Variants in SCAF8 observed in about 807,000 individuals in gnomAD.
SCAF8 encodes SR-related CTD associated factor 8.
Under a neutral mutation model 140.5 loss-of-function variants are expected in SCAF8, and 23 were observed. The ratio of observed to expected loss-of-function variants is 0.16; its 90% CI spans 0.12 to 0.23. SCAF8 has a LOEUF of 0.23. Ranked by LOEUF, SCAF8 falls within the 10% of genes least tolerant of loss-of-function variation. SCAF8 has a pLI of 1.00. For missense variants in SCAF8, 1,397 were observed against 1,555.7 expected (o/e 0.90, Z 1.72); for synonymous variants, 575 against 528.9 (o/e 1.09, Z -1.20).
intron 6 of SCAF8, among the ~76,000 whole-genome samples, chr6:154,796,427 A>G (rs1419508146): frequency 7.4e-6 from 1 of 134,528 alleles, no homozygotes; most frequent in African/African-American, 2.9e-5. Flanking sequence ...AATTCACGCT[A>G]TCCTTTGAGG....
chr6:154,800,477 A>G (rs568227674), intron 6 of SCAF8, among the ~76,000 whole-genome samples: 1 of 151,734 alleles, frequency 6.6e-6, no homozygotes, highest in East Asian at 1.9e-4. Context: ...TGTGAAAACT[A>G]TAAATGGTGG....
chr6:154,747,245 T>C (rs781094316), intron 1 of SCAF8, among the ~76,000 whole-genome samples: 7 of 152,116 alleles, frequency 4.6e-5, no homozygotes, highest in Non-Finnish European at 1.0e-4. Flanking sequence ...CTGAGTGTGG[T>C]GGTTAGGCCT....
At chr6:154,743,569 C>G (rs1489584104) in intron 1 of SCAF8, among the ~76,000 whole-genome samples, 1 of 152,124 alleles carries the variant, frequency 6.6e-6, no homozygotes, top group Non-Finnish European at 1.5e-5. Flanking sequence ...TGATGTGATT[C>G]CTCAGGGTTC....
intron 4 of SCAF8, among the ~76,000 whole-genome samples, chr6:154,789,351 TC>T (rs200797567): frequency 0.017 from 2,545 of 152,136 alleles, 27 homozygotes; most frequent in Non-Finnish European, 0.023. Flanking sequence ...GACCTTGTGA[TC>T]CGCCCACCAT....
rs1778716638 is a variant in SCAF8, at chr6:154,831,072, C to T, written c.2291C>T (p.Ala764Val). 3 of 1,613,798 alleles carry T rather than the reference C, an allele frequency of 1.9e-6. No homozygotes were observed. The highest frequency in any genetic ancestry group is 1.7e-6 in the Non-Finnish European group (2 of 1,179,868). The part of the protein sequence containing the change: ...GNVFNAPTKQ[A>V]EPEEKVPHLI... Reference sequence around the variant, plus strand: ...GTTTTTAATGCTCCAACTAAACAGGCAGAGCCTGAAGAAAAAGTACCTCAT... The same window carrying T: ...GTTTTTAATGCTCCAACTAAACAGGTAGAGCCTGAAGAAAAAGTACCTCAT... The change falls in exon 19 of 20, where the codon GCA becomes GTA. Residue 764 changes from alanine (A) to valine (V), a missense_variant. By Grantham distance (64) the Ala-to-Val change is moderately conservative. Around this residue, in one of 5 missense-constraint regions of SCAF8, gnomAD observed 930 missense variants for 874.6 expected, o/e 1.06. Transcript: ENST00000367178.
At chr6:154,734,071 G>GGGGTGTTTCTCCTCT (rs1465194851) in intron 1 of SCAF8, 141 bp downstream of exon 1, 76 of 1,297,190 alleles carry the variant, frequency 5.9e-5, no homozygotes, top group Non-Finnish European at 7.2e-5. Context: ...CCGTGGGGGA[G>GGGGTGTTTCTCCTCT]GGGTGTTTCT....
chr6:154,789,824 C>A (rs1014125327), intron 4 of SCAF8, among the ~76,000 whole-genome samples: 1 of 152,150 alleles, frequency 6.6e-6, no homozygotes, highest in African/African-American at 2.4e-5. Context: ...GGATTACAGG[C>A]GTGAGCCACC....
chr6:154,818,742 T>G, intron 14 of SCAF8, 150 bp downstream of exon 14: 1 of 398,716 alleles, frequency 2.5e-6, no homozygotes. Context: ...TTAAATGTTA[T>G]GGACAAACCT....
intron 1 of SCAF8, among the ~76,000 whole-genome samples, chr6:154,740,941 G>T (rs1778554156): frequency 6.6e-6 from 1 of 152,258 alleles, no homozygotes; most frequent in Admixed American, 6.5e-5. Context: ...TTTCTTGAAT[G>T]AATGGATGCA....
At chr6:154,770,037 C>T (rs1401547545) in intron 1 of SCAF8, among the ~76,000 whole-genome samples, 5 of 152,054 alleles carry the variant, frequency 3.3e-5, no homozygotes, top group South Asian at 4.1e-4. Context: ...ACGGGCATAC[C>T]GGTAGATTTT....
intron 3 of SCAF8, among the ~76,000 whole-genome samples, chr6:154,779,538 G>A (rs980691481): frequency 6.6e-6 from 1 of 152,052 alleles, no homozygotes; most frequent in African/African-American, 2.4e-5. Flanking sequence ...GTGAATTTAT[G>A]GATAAATGCT....
At chr6:154,782,100 A>G (rs868785082) in intron 3 of SCAF8, among the ~76,000 whole-genome samples, 3 of 152,302 alleles carry the variant, frequency 2.0e-5, no homozygotes, top group African/African-American at 2.4e-5. Context: ...ATCAGTTCAT[A>G]TGCTGATTGT....
intron 8 of SCAF8, among the ~76,000 whole-genome samples, chr6:154,804,740 T>G (rs1777865714): frequency 1.3e-5 from 2 of 152,206 alleles, no homozygotes; most frequent in Admixed American, 1.3e-4. Flanking sequence ...CCATCCTGTT[T>G]GGCTCTTTTG....
intron 8 of SCAF8, among the ~76,000 whole-genome samples, chr6:154,804,625 T>C (rs1777862154): frequency 6.6e-6 from 1 of 152,234 alleles, no homozygotes; most frequent in Non-Finnish European, 1.5e-5. Flanking sequence ...CCGCTATCTT[T>C]AGAGATGTAG....
chr6:154,793,737 C>T (rs1777493943), intron 5 of SCAF8, among the ~76,000 whole-genome samples: 2 of 150,300 alleles, frequency 1.3e-5, no homozygotes, highest in South Asian at 4.2e-4. Flanking sequence ...ATCGCTTGAA[C>T]CCAGGAGGCG....
At position 154,785,635 on chromosome 6, in the gene SCAF8, T is replaced by C. The variant is rs1054421338; in HGVS notation, c.160-2226T>C. On this transcript the variant is annotated intron_variant, in intron 3 of 19. Transcript: ENST00000367178. ...TAGCTTTGTTGTCTTTAAATTAATATCACTTTTTAGTAGCTGCAGGTGGGA... is the reference window on the plus strand; with the variant it reads ...TAGCTTTGTTGTCTTTAAATTAATACCACTTTTTAGTAGCTGCAGGTGGGA... 5.9e-5 allele frequency among the ~76,000 whole-genome samples: 9 copies of C among 152,294 alleles called. No homozygotes were observed. The South Asian group carries it at 6.2e-4, about 11-fold the overall frequency.
chr6:154,780,189 C>T (rs186844090), intron 3 of SCAF8, among the ~76,000 whole-genome samples: 2 of 152,224 alleles, frequency 1.3e-5, no homozygotes, highest in Admixed American at 1.3e-4. Flanking sequence ...TCCCTAATCC[C>T]TAATGCCTGG....
intron 1 of SCAF8, among the ~76,000 whole-genome samples, chr6:154,772,991 C>A (rs1776814974): frequency 6.6e-6 from 1 of 152,144 alleles, no homozygotes; most frequent in African/African-American, 2.4e-5. Flanking sequence ...AACTCCTGAT[C>A]TCAGGTGATC....
intron 1 of SCAF8, among the ~76,000 whole-genome samples, chr6:154,761,502 C>G (rs1776401786): frequency 6.6e-6 from 1 of 152,130 alleles, no homozygotes; most frequent in Non-Finnish European, 1.5e-5. Flanking sequence ...CCAAACAAAA[C>G]AAAACAAAAC....
Sources: allele counts gnomAD v4.1 joint callset (sites outside exome capture counted in the v4.1 genomes callset), GRCh38; gene constraint gnomAD v4.1.1; regional missense constraint gnomAD v4.1.1; transcripts MANE v1.5; gene names NCBI Gene and HGNC (gene_info 2026-07-23, HGNC 2026-07-21).